The following FIG4 variants were observed in gnomAD, a reference collection of about 807,000 sequenced individuals.
The protein encoded by FIG4 is polyphosphoinositide phosphatase.
A neutral mutation model predicts 118.6 loss-of-function variants in FIG4; 112 were observed. The ratio of observed to expected loss-of-function variants is 0.94; its 90% CI spans 0.81 to 1.11. The LOEUF (loss-of-function observed/expected upper bound fraction) is 1.11. Among genes scored for constraint, FIG4 ranks in the 50% least tolerant of loss-of-function variants. The pLI is 0.00. For missense variants in FIG4, 969 were observed against 1,111.7 expected (o/e 0.87, Z 1.83); for synonymous variants, 369 against 381.2 (o/e 0.97, Z 0.37).
At chr6:109,733,869 C>T (rs1333071238) in intron 5 of FIG4, among the ~76,000 whole-genome samples, 1 of 151,892 alleles carries the variant, frequency 6.6e-6, no homozygotes, top group Non-Finnish European at 1.5e-5. Context: ...TATTTTTATA[C>T]TGAGTTGTGA....
At position 109,746,150 on chromosome 6, in the gene FIG4, T is replaced by C. The variant is rs545926503; in HGVS notation, c.1137+2378T>C. On this transcript the variant is annotated intron_variant, in intron 10 of 22. Transcript: ENST00000230124. The stretch of plus-strand genomic sequence containing the variant: ...ACAAAAACAAGCAATGGGGAAAGGA[T>C]TCCCTATTTAATAAATGGTTTTGGG... Among the ~76,000 whole-genome samples the C allele has an allele frequency of 1.2e-4, 19 of 152,288 alleles. 1 individual carries two copies. In the South Asian group the frequency reaches 3.7e-3, roughly 30 times the overall value.
intron 10 of FIG4, among the ~76,000 whole-genome samples, chr6:109,749,970 A>G (rs1291247306): frequency 2.0e-5 from 3 of 152,226 alleles, no homozygotes; most frequent in Non-Finnish European, 2.9e-5. Flanking sequence ...TTTTATTCAT[A>G]GGATTAAAGA....
chr6:109,733,774 A>C (rs1461287752), intron 5 of FIG4, among the ~76,000 whole-genome samples: 1 of 151,952 alleles, frequency 6.6e-6, no homozygotes, highest in Non-Finnish European at 1.5e-5. Context: ...TTTATGCCTA[A>C]CTTTTTAGTG....
At chr6:109,700,821 G>A (rs149577496) in intron 1 of FIG4, among the ~76,000 whole-genome samples, 105 of 152,320 alleles carry the variant, frequency 6.9e-4, no homozygotes, top group African/African-American at 2.4e-3. Flanking sequence ...TCTATAAGGT[G>A]TATATGAAAC....
intron 10 of FIG4, among the ~76,000 whole-genome samples, chr6:109,749,144 C>CAGTT (rs2128388224): frequency 6.7e-6 from 1 of 149,854 alleles, no homozygotes; most frequent in African/African-American, 2.5e-5. Flanking sequence ...CCCAAACTGG[C>CAGTT]AGTTGGGGGA....
At chr6:109,699,913 C>G (rs894269250) in intron 1 of FIG4, among the ~76,000 whole-genome samples, 6 of 152,114 alleles carry the variant, frequency 3.9e-5, no homozygotes, top group Non-Finnish European at 7.4e-5. Context: ...CTGGTAAGTC[C>G]AAGATCAAGG....
chr6:109,785,697 C>A, intron 17 of FIG4: 1 of 470,820 alleles, frequency 2.1e-6, no homozygotes, highest in South Asian at 1.5e-5. Flanking sequence ...TCCTGCGAAT[C>A]TGGAATGCTC....
chr6:109,758,119 T>C (rs1419998803), intron 10 of FIG4, among the ~76,000 whole-genome samples: 1 of 152,144 alleles, frequency 6.6e-6, no homozygotes, highest in Non-Finnish European at 1.5e-5. Context: ...TTAAATTTCA[T>C]ATGGAACCAA....
In FIG4 at chr6:109,825,079, C is replaced by A; in HGVS notation, c.2547-9C>A. 6.2e-7 allele frequency: 1 copy of A among 1,612,728 alleles called. No individual in the cohort carries two copies. The highest frequency in any genetic ancestry group is 8.5e-7 in the Non-Finnish European group (1 of 1,178,734). ...TTAATGCAGCCCTCTCTTTATTCAT[C>A]TTTTATAGAACACCCATCTCGGCTT... On this transcript the variant is annotated splice_polypyrimidine_tract_variant and intron_variant, in intron 22 of 22. Transcript: ENST00000230124.
At chr6:109,704,520 T>C (rs986397316) in intron 1 of FIG4, among the ~76,000 whole-genome samples, 1 of 151,736 alleles carries the variant, frequency 6.6e-6, no homozygotes, top group African/African-American at 2.4e-5. Context: ...CAAAAAAAAT[T>C]AGCCACGTGT....
At chr6:109,774,215 T>C (rs1369127205) in intron 15 of FIG4, among the ~76,000 whole-genome samples, 18 of 152,226 alleles carry the variant, frequency 1.2e-4, no homozygotes, top group Non-Finnish European at 2.1e-4. Context: ...CACTTGTATA[T>C]TTAGGGGAAC....
intron 22 of FIG4, among the ~76,000 whole-genome samples, chr6:109,807,029 A>G (rs1778584099): frequency 6.6e-6 from 1 of 152,110 alleles, no homozygotes; most frequent in African/African-American, 2.4e-5. Context: ...TTTGGTTCCA[A>G]GTCTTTGCTA....
At position 109,760,253 on chromosome 6, in the gene FIG4, C is replaced by T. The variant is rs377357931; in HGVS notation, c.1141C>T (p.Arg381Ter). ...AAATGTTTAATTTTTGATAAAGGAA[C>T]GAGAGAAAAGAAAGCATGAAAGAAT... ...PIIILNLVKE[R>*]EKRKHERILS... Residue 381 changes from arginine to a stop codon, truncating the protein, a stop_gained, in exon 11 of 23, where the codon CGA (arginine) becomes TGA (stop). Coordinates refer to ENST00000230124, the MANE Select transcript of FIG4 (RefSeq NM_014845.6). LOFTEE classifies it high-confidence loss of function. 2.2e-5 allele frequency: 35 copies of T among 1,612,802 alleles called. No homozygotes were observed. The highest frequency in any genetic ancestry group is 1.6e-4 in the African/African-American group (12 of 74,978).
chr6:109,714,786 CAGTT>C (rs1386555290), intron 1 of FIG4, among the ~76,000 whole-genome samples: 1 of 152,182 alleles, frequency 6.6e-6, no homozygotes, highest in African/African-American at 2.4e-5. Context: ...AGCCTCCAAT[CAGTT>C]AGATTAATCT....
intron 12 of FIG4, 132 bp from the exon 13 acceptor site, chr6:109,763,805 A>G: frequency 2.9e-6 from 2 of 695,846 alleles, no homozygotes; most frequent in South Asian, 3.1e-5. Flanking sequence ...GAGAGTAGGC[A>G]GGATCAGCTG....
chr6:109,694,344 A>G (rs1398321126), intron 1 of FIG4, among the ~76,000 whole-genome samples: 1 of 152,210 alleles, frequency 6.6e-6, no homozygotes, highest in Non-Finnish European at 1.5e-5. Context: ...TGGGGAAAGG[A>G]CAGTCTCTTC....
intron 22 of FIG4, among the ~76,000 whole-genome samples, chr6:109,804,079 A>G (rs1176127855): frequency 6.6e-6 from 1 of 152,158 alleles, no homozygotes; most frequent in African/African-American, 2.4e-5. Context: ...TGAAGACTTT[A>G]TGGTTTTTAA....
chr6:109,735,553 A>T (rs375053651), intron 6 of FIG4, among the ~76,000 whole-genome samples: 4 of 152,276 alleles, frequency 2.6e-5, no homozygotes, highest in South Asian at 4.1e-4. Flanking sequence ...TTTTTATTGA[A>T]TACATTCAAG....
Position 109,776,937 on chromosome 6 carries a change from A to G in FIG4, c.1766A>G (p.Asp589Gly). The change falls in exon 16 of 23, where the codon GAT (aspartate) becomes GGT (glycine). Residue 589 changes from aspartate to glycine, a missense_variant. Coordinates refer to ENST00000230124, the MANE Select transcript of FIG4 (RefSeq NM_014845.6). ...TGCTTTTTAGATGCCGATAGACAAG[A>G]TTCCATTAATCTCTTCCTGGGAGTT... ...SNAFSDADRQ[D>G]SINLFLGVFH... is the part of the protein sequence containing the mutation. 1 of 1,613,404 alleles carries G rather than the reference A, an allele frequency of 6.2e-7. No homozygotes were observed. The highest frequency in any genetic ancestry group is 1.1e-5 in the South Asian group (1 of 91,068).
Sources: gnomAD v4.1 joint callset for allele counts (sites outside exome capture counted in the v4.1 genomes callset) on GRCh38, gnomAD v4.1.1 for gene constraint, MANE v1.5 for transcripts, NCBI Gene and HGNC (gene_info 2026-07-23, HGNC 2026-07-21) for gene names.